KDM4C: variants seen among roughly 807,000 people sequenced by gnomAD.
KDM4C encodes the protein lysine demethylase 4C, also known as lysine-specific demethylase 4C.
Under a neutral mutation model 129.3 loss-of-function variants are expected in KDM4C, and 81 were observed. The observed-to-expected ratio is 0.63, with a 90% CI of 0.52 to 0.75. KDM4C has a LOEUF of 0.75. Ranked by LOEUF, KDM4C falls within the 30% of genes least tolerant of loss-of-function variation. The pLI is 0.00. For synonymous variants in KDM4C, 573 were observed against 456.1 expected (o/e 1.26, Z -3.26); for missense variants, 1,457 against 1,304.0 (o/e 1.12, Z -1.81).
intron 20 of KDM4C, 92 bp from the exon 21 acceptor site, chr9:7,169,706 C>T: frequency 1.0e-6 from 1 of 987,830 alleles, no homozygotes; most frequent in East Asian, 2.6e-5. Context: ...CTGTTTGAGT[C>T]CTTTTCATCT....
At chr9:6,863,884 C>T (rs1457028944) in intron 5 of KDM4C, among the ~76,000 whole-genome samples, 4 of 151,792 alleles carry the variant, frequency 2.6e-5, no homozygotes, top group African/African-American at 7.3e-5. Flanking sequence ...AGTGAGAACT[C>T]ACCCATTACC....
intron 17 of KDM4C, among the ~76,000 whole-genome samples, chr9:7,078,160 T>C (rs1168862303): frequency 6.6e-6 from 1 of 152,246 alleles, no homozygotes; most frequent in Non-Finnish European, 1.5e-5. Context: ...TGTCTCTGGA[T>C]GACAGGATAT....
At chr9:6,803,142 A>G (rs149862860) in intron 2 of KDM4C, among the ~76,000 whole-genome samples, 103 of 152,312 alleles carry the variant, frequency 6.8e-4, no homozygotes, top group African/African-American at 2.4e-3. Context: ...GAGGGCCTGT[A>G]TCGTGCCAGC....
intron 20 of KDM4C, among the ~76,000 whole-genome samples, chr9:7,168,366 G>T (rs1225030410): frequency 6.6e-6 from 1 of 151,924 alleles, no homozygotes; most frequent in Non-Finnish European, 1.5e-5. Flanking sequence ...AATACCATGT[G>T]GTTCAGAGTT....
intron 5 of KDM4C, among the ~76,000 whole-genome samples, chr9:6,878,280 C>T (rs1187782521): frequency 6.6e-6 from 1 of 152,004 alleles, no homozygotes; most frequent in Non-Finnish European, 1.5e-5. Flanking sequence ...AGTTGGTTAA[C>T]CATAAGAATT....
chr9:7,078,772 TC>T (rs1024418885), intron 17 of KDM4C, among the ~76,000 whole-genome samples: 9 of 152,190 alleles, frequency 5.9e-5, no homozygotes, highest in Admixed American at 2.0e-4. Flanking sequence ...TATCTTGAAA[TC>T]AATCTATACT....
At chr9:7,101,782 T>C (rs1245095909) in intron 17 of KDM4C, among the ~76,000 whole-genome samples, 1 of 152,218 alleles carries the variant, frequency 6.6e-6, no homozygotes, top group African/African-American at 2.4e-5. Flanking sequence ...TTAAAAGATC[T>C]TAAGAAAATA....
chr9:7,067,918 C>T (rs1053154542), intron 17 of KDM4C, among the ~76,000 whole-genome samples: 3 of 152,090 alleles, frequency 2.0e-5, no homozygotes, highest in African/African-American at 4.8e-5. Flanking sequence ...GCCTCAGCCT[C>T]CCGAGTAGCT....
intron 3 of KDM4C, 100 bp downstream of exon 3, chr9:6,805,874 G>C: frequency 9.2e-7 from 1 of 1,086,828 alleles, no homozygotes; most frequent in African/African-American, 1.6e-5. Flanking sequence ...AAAAGCAGGA[G>C]TCTCCCATGC....
intron 12 of KDM4C, among the ~76,000 whole-genome samples, chr9:6,994,339 A>G (rs2131959169): frequency 6.6e-6 from 1 of 151,980 alleles, no homozygotes; most frequent in South Asian, 2.1e-4. Context: ...TCTTCCATGT[A>G]TTTGCCCAGG....
intron 4 of KDM4C, among the ~76,000 whole-genome samples, chr9:6,828,606 C>T (rs182947080): frequency 6.6e-6 from 1 of 152,208 alleles, no homozygotes; most frequent in African/African-American, 2.4e-5. Context: ...TGCGGTGGCT[C>T]ACGCCTGTAA....
rs562690482 is a variant in KDM4C at position 7,131,203 on chromosome 9, G to A, written c.2781+2967G>A. 1.6e-4 allele frequency among the ~76,000 whole-genome samples: 24 copies of A among 152,068 alleles called. 1 individual carries two copies. The South Asian group carries it at 5.0e-3, about 32-fold the overall frequency. ...TAATCTCTTGCCTTCTTGGTTCCCC[G>A]TTCCAGGCTCCTAGTAGGAATAATT... is the stretch of plus-strand genomic sequence containing the variant. On this transcript the variant is annotated intron_variant, in intron 19 of 21. Transcript: ENST00000381309.
intron 8 of KDM4C, chr9:6,973,744 A>G (rs964453137): frequency 2.0e-5 from 3 of 152,194 alleles, no homozygotes; most frequent in African/African-American, 7.2e-5. Context: ...TTTGTTAATC[A>G]ATCCTCATCC....
chr9:7,029,297 T>TG lies in KDM4C; in HGVS notation c.2259+13368_2259+13369insG, dbSNP rs200131257. 3.0e-4 allele frequency among the ~76,000 whole-genome samples: 39 copies of TG among 128,878 alleles called. 1 individual carries two copies. Among genetic ancestry groups the TG allele is most frequent in the African/African-American group, 1.1e-3 (31 of 28,714 alleles). 84.5% of individuals were successfully genotyped at this position (128,878 alleles called of 152,430 possible). A position where few individuals can be genotyped will look rare whatever the true frequency, so the allele number is the denominator to read the frequency against. ...CTTTCTGGGTTTCCCCCCACCGTTT[T>TG]TTTTTTTTTTTTTTGCCTATACTGA... is the stretch of plus-strand genomic sequence containing the variant. On this transcript the variant is annotated intron_variant, in intron 15 of 21. Transcript: ENST00000381309.
chr9:6,942,827 A>G (rs1011170403), intron 8 of KDM4C, among the ~76,000 whole-genome samples: 5 of 152,184 alleles, frequency 3.3e-5, no homozygotes, highest in East Asian at 1.9e-4. Flanking sequence ...GGAGTAAAGG[A>G]TAGTCTTAAA....
At chr9:7,052,896 A>AGAGAGAGAGAGAGAGAGC (rs1564049670) in intron 17 of KDM4C, among the ~76,000 whole-genome samples, 2 of 13,100 alleles carry the variant, frequency 1.5e-4, no homozygotes, top group East Asian at 2.1e-3. Context: ...AGAGAGAGAG[A>AGAGAGAGAGAGAGAGAGC]GAGAGCGAGC....
chr9:6,768,337 A>AT (rs200541754), intron 1 of KDM4C, among the ~76,000 whole-genome samples: 19,109 of 142,594 alleles, frequency 0.13, 1,411 homozygotes, highest in African/African-American at 0.21. Context: ...GCTGAACAGG[A>AT]TTTTTTTTTT....
intron 8 of KDM4C, among the ~76,000 whole-genome samples, chr9:6,894,227 A>T (rs1371562935): frequency 6.6e-6 from 1 of 152,386 alleles, no homozygotes; most frequent in East Asian, 1.9e-4. Flanking sequence ...AAAGATAAAT[A>T]AAATATAGCC....
intron 1 of KDM4C, among the ~76,000 whole-genome samples, chr9:6,785,781 G>A (rs558045433): frequency 9.6e-4 from 147 of 152,346 alleles, no homozygotes; most frequent in African/African-American, 3.4e-3. Flanking sequence ...AGGTTTCAGC[G>A]TGTCTTTTGG....
Sources: allele counts gnomAD v4.1 joint callset (sites outside exome capture counted in the v4.1 genomes callset), GRCh38; gene constraint gnomAD v4.1.1; transcripts MANE v1.5; gene names NCBI Gene and HGNC (gene_info 2026-07-23, HGNC 2026-07-21).